Variants in URAD observed in about 807,000 individuals in gnomAD.
The protein encoded by URAD is ureidoimidazoline (2-oxo-4-hydroxy-4-carboxy-5-) decarboxylase, also known as putative 2-oxo-4-hydroxy-4-carboxy-5-ureidoimidazoline decarboxylase.
A neutral mutation model predicts 4.6 loss-of-function variants in URAD; 4 were observed. That is an observed-to-expected ratio of 0.87 (90% CI 0.43 to 1.98). The LOEUF (loss-of-function observed/expected upper bound fraction) is 1.98. Among genes scored for constraint, URAD ranks in the 30% most tolerant of loss-of-function variants. The probability of loss-of-function intolerance (pLI) is 0.03; values close to 1 mark genes in which losing one functional copy is unlikely to be tolerated. For missense variants in URAD, 300 were observed against 255.3 expected (o/e 1.18, Z -1.19); for synonymous variants, 144 against 118.2 (o/e 1.22, Z -1.41).
intron 1 of URAD, among the ~76,000 whole-genome samples, chr13:27,980,872 T>A (rs1423028488): frequency 6.6e-6 from 1 of 151,926 alleles, no homozygotes; most frequent in Non-Finnish European, 1.5e-5. Context: ...GGGGTTAATG[T>A]TTGCCTAGAA....
chr13:27,988,388 G>A, intron 1 of URAD, 75 bp downstream of exon 1: 1 of 1,438,080 alleles, frequency 7.0e-7, no homozygotes, highest in Non-Finnish European at 9.4e-7. Context: ...CACCATTCCT[G>A]GCCAGTATCT....
At chr13:27,980,492 C>A (rs1164425023) in intron 1 of URAD, among the ~76,000 whole-genome samples, 2 of 152,122 alleles carry the variant, frequency 1.3e-5, no homozygotes, top group Non-Finnish European at 2.9e-5. Flanking sequence ...GGTAACCTGC[C>A]CGGGCTGCGG....
chr13:27,988,236 C>T (rs1001614250), intron 1 of URAD, among the ~76,000 whole-genome samples: 16 of 149,972 alleles, frequency 1.1e-4, no homozygotes, highest in South Asian at 6.9e-4. Context: ...GGATTACAGG[C>T]GTGAGCCACC....
At chr13:27,978,693 A>C (rs1593189888) in intron 1 of URAD, among the ~76,000 whole-genome samples, 1 of 152,120 alleles carries the variant, frequency 6.6e-6, no homozygotes, top group South Asian at 2.1e-4. Flanking sequence ...TCCCCACTAC[A>C]TTCGGTCGGG....
intron 1 of URAD, among the ~76,000 whole-genome samples, chr13:27,984,815 T>TA (rs1431720473): frequency 6.6e-6 from 1 of 151,518 alleles, no homozygotes; most frequent in East Asian, 2.0e-4. Flanking sequence ...CGTCTCTAGT[T>TA]AAAAAATACA....
At chr13:27,982,705 G>T (rs767623263) in intron 1 of URAD, among the ~76,000 whole-genome samples, 1 of 152,000 alleles carries the variant, frequency 6.6e-6, no homozygotes, top group Non-Finnish European at 1.5e-5. Context: ...TGATTTTTGG[G>T]TATCTTAGAC....
In URAD at chr13:27,978,122, T is replaced by C; in HGVS notation, c.506A>G (p.Asp169Gly). Residue 169 changes from aspartate (D) to glycine (G), a missense_variant, in exon 2 of 2, where the codon GAC (aspartate) becomes GGC (glycine). By Grantham distance (94) the Asp-to-Gly change is moderately conservative (BLOSUM62 -1). Transcript: ENST00000332715. ...SLRLADLLRA[D>G]PAKL is the part of the protein sequence containing the mutation. ...GCGCGGCAGCTACAGCTTGGCGGGG[T>C]CTGCGCGGAGGAGGTCGGCCAGGCG... The C allele has an allele frequency of 6.6e-7, 1 of 1,518,406 alleles. No homozygotes were observed. Among genetic ancestry groups the C allele is most frequent in the Admixed American group, 2.1e-5 (1 of 47,856 alleles). The allele number at this position is 1,518,406 out of a possible 1,614,324, so 94.1% of individuals were successfully genotyped here.
At position 27,987,770 on chromosome 13, in the gene URAD, T is replaced by C. The variant is rs1870070821; in HGVS notation, c.175+693A>G. On this transcript the variant is annotated intron_variant, in intron 1 of 1. Coordinates refer to ENST00000332715, the MANE Select transcript of URAD (RefSeq NM_001105577.2). The stretch of plus-strand genomic sequence containing the variant: ...CCACCGCATTCTTCCAGTCCATGTC[T>C]GACCTAAACCACACAAGTGCTTGAC... 3.9e-5 allele frequency among the ~76,000 whole-genome samples: 6 copies of C among 152,206 alleles called. No individual in the cohort carries two copies. The South Asian group carries it at 1.2e-3, about 32-fold the overall frequency.
chr13:27,986,361 G>A (rs1425316497), intron 1 of URAD, among the ~76,000 whole-genome samples: 2 of 152,230 alleles, frequency 1.3e-5, no homozygotes, highest in African/African-American at 2.4e-5. Flanking sequence ...ATCAAGTCAC[G>A]GGGGCATCAA....
intron 1 of URAD, among the ~76,000 whole-genome samples, chr13:27,979,866 G>A (rs1012199987): frequency 3.3e-5 from 5 of 152,174 alleles, no homozygotes; most frequent in Non-Finnish European, 7.3e-5. Context: ...AGAACTGGGG[G>A]TAACATCCCC....
intron 1 of URAD, 48 bp from the exon 2 acceptor site, chr13:27,978,500 C>G (rs1869785617): frequency 8.0e-7 from 1 of 1,253,960 alleles, no homozygotes; most frequent in South Asian, 2.9e-5. Flanking sequence ...CCGCGCCCGT[C>G]CCGCACCGCG....
intron 1 of URAD, among the ~76,000 whole-genome samples, chr13:27,981,028 C>CTCTCT (rs149754765): frequency 6.0e-5 from 7 of 117,216 alleles, no homozygotes; most frequent in Middle Eastern, 8.4e-3. Context: ...CTCTCTCTCT[C>CTCTCT]CTCTCTCTCT....
rs1869799905 is a variant in URAD, at chr13:27,978,867, A to T, written c.176-415T>A. The stretch of plus-strand genomic sequence containing the variant: ...GATCCTGAGCTTTTCCTATCTTTCA[A>T]AGTCCTTTGCTCTCAGGGGGGGCTT... On this transcript the variant is annotated intron_variant, in intron 1 of 1. Coordinates refer to ENST00000332715, the MANE Select transcript of URAD (RefSeq NM_001105577.2). Among the ~76,000 whole-genome samples the T allele has an allele frequency of 2.0e-5, 3 of 152,128 alleles. No homozygotes were observed. The South Asian group carries it at 6.2e-4, about 32-fold the overall frequency.
In URAD at chr13:27,982,153, G is replaced by A. The variant is rs902004224; in HGVS notation, c.176-3701C>T. ...CCTTAAAAAATGACTATAAACGGCC[G>A]GGCACAGTGACTCATGCCTGTAATC... On this transcript the variant is annotated intron_variant, in intron 1 of 1. Coordinates refer to ENST00000332715, the MANE Select transcript of URAD (RefSeq NM_001105577.2). 2.0e-4 allele frequency among the ~76,000 whole-genome samples: 30 copies of A among 152,070 alleles called. 1 individual carries two copies. Among genetic ancestry groups the A allele is most frequent in the Admixed American group, 1.4e-3 (21 of 15,262 alleles).
chr13:27,978,301 C>T lies in URAD; in HGVS notation c.327G>A (p.Ala109=), dbSNP rs1869774495. Residue 109 remains alanine (A), a synonymous_variant, in exon 2 of 2, where the codon GCG becomes GCA. Coordinates refer to ENST00000332715, the MANE Select transcript of URAD (RefSeq NM_001105577.2). ...GGAAACCGAAGCGCGCGCGGTACTG[C>T]GCGTTGAGCTCGGCCAGCCGCAGCC... The part of the protein sequence containing the change: ...DERLRLAELN[A]QYRARFGFPF... 1 of 1,406,608 alleles carries T rather than the reference C, an allele frequency of 7.1e-7. No individual in the cohort carries two copies. The highest frequency in any genetic ancestry group is 3.1e-5 in the East Asian group (1 of 32,622). 87.1% of individuals were successfully genotyped at this position (1,406,608 alleles called of 1,614,324 possible).
chr13:27,984,654 C>T (rs1869966260), intron 1 of URAD, among the ~76,000 whole-genome samples: 1 of 152,164 alleles, frequency 6.6e-6, no homozygotes, highest in African/African-American at 2.4e-5. Context: ...TTGCTTCTTA[C>T]TATTCAAAGG....
chr13:27,981,921 CT>C (rs1477533086), intron 1 of URAD, among the ~76,000 whole-genome samples: 1 of 152,192 alleles, frequency 6.6e-6, no homozygotes, highest in East Asian at 1.9e-4. Flanking sequence ...CCCTATTTCT[CT>C]GCTCCTCCTT....
chr13:27,983,721 C>T (rs1281608873), intron 1 of URAD, among the ~76,000 whole-genome samples: 2 of 152,168 alleles, frequency 1.3e-5, no homozygotes, highest in Non-Finnish European at 2.9e-5. Context: ...TGTCTCTCTT[C>T]ACTAGAATGT....
intron 1 of URAD, among the ~76,000 whole-genome samples, chr13:27,985,415 G>T (rs1179651137): frequency 6.6e-6 from 1 of 152,176 alleles, no homozygotes; most frequent in Non-Finnish European, 1.5e-5. Context: ...CCAAGATGGT[G>T]CCACTGCACT....
Sources: gnomAD v4.1 joint callset for allele counts (sites outside exome capture counted in the v4.1 genomes callset) on GRCh38, gnomAD v4.1.1 for gene constraint, MANE v1.5 for transcripts, NCBI Gene and HGNC (gene_info 2026-07-23, HGNC 2026-07-21) for gene names.